PHLDB3: variants seen among roughly 807,000 people sequenced by gnomAD.
The protein encoded by PHLDB3 is pleckstrin homology like domain family B member 3, also known as pleckstrin homology-like domain family B member 3.
A neutral mutation model predicts 85.7 loss-of-function variants in PHLDB3; 86 were observed. The observed-to-expected ratio is 1.00, with a 90% confidence interval of 0.84 to 1.20. The LOEUF (loss-of-function observed/expected upper bound fraction) is 1.20, where lower values mean the gene tolerates loss of function less well. Among genes scored for constraint, PHLDB3 ranks in the 50% most tolerant of loss-of-function variants. PHLDB3 has a pLI of 0.00. For synonymous variants in PHLDB3, 376 were observed against 349.8 expected (o/e 1.07, Z -0.83); for missense variants, 995 against 873.0 (o/e 1.14, Z -1.76).
chr19:43,485,944 A>C, intron 13 of PHLDB3: 3 of 981,084 alleles, frequency 3.1e-6, no homozygotes, highest in Non-Finnish European at 3.6e-6. Context: ...CTGAGGCAGG[A>C]GGATTGCTTG....
At chr19:43,486,465 G>A in intron 12 of PHLDB3, 143 bp from the exon 13 acceptor site, 3 of 1,259,928 alleles carry the variant, frequency 2.4e-6, no homozygotes, top group Middle Eastern at 2.3e-4. Flanking sequence ...TGGGCTGGGG[G>A]CCTGGACTCC....
At chr19:43,486,919 G>A (rs759820342) in intron 10 of PHLDB3, 49 bp from the exon 11 acceptor site, 2 of 1,488,944 alleles carry the variant, frequency 1.3e-6, no homozygotes, top group African/African-American at 2.8e-5. Context: ...CCTGGCCTGA[G>A]CCTATCCACT....
chr19:43,480,738 C>G (rs887471819), intron 13 of PHLDB3, among the ~76,000 whole-genome samples: 1 of 152,206 alleles, frequency 6.6e-6, no homozygotes, highest in African/African-American at 2.4e-5. Context: ...ATCTCCGTTT[C>G]ACAGATGTGG....
At chr19:43,503,547 A>C (rs759235366) in intron 2 of PHLDB3, among the ~76,000 whole-genome samples, 1 of 151,766 alleles carries the variant, frequency 6.6e-6, no homozygotes, top group Non-Finnish European at 1.5e-5. Flanking sequence ...GGGCTTAAGC[A>C]ATCCTCCCCT....
chr19:43,489,895 T>C (rs1417648976), intron 9 of PHLDB3, among the ~76,000 whole-genome samples: 2 of 151,576 alleles, frequency 1.3e-5, no homozygotes, highest in African/African-American at 4.8e-5. Context: ...TAATTCCAGC[T>C]ACTCGGGAGT....
intron 15 of PHLDB3, among the ~76,000 whole-genome samples, chr19:43,476,296 G>A (rs1355830412): frequency 6.6e-6 from 1 of 152,056 alleles, no homozygotes; most frequent in Non-Finnish European, 1.5e-5. Flanking sequence ...TCTGTTTTTA[G>A]CCCTCTCAAT....
In PHLDB3 at chr19:43,491,479, T is replaced by G. The variant is rs530290668; in HGVS notation, c.1149+3223A>C. The stretch of plus-strand genomic sequence containing the variant: ...TATATTAAGTGCTTTAAAATTAGTG[T>G]TATTAATATTGATTAATAAATAACA... On this transcript the variant is annotated intron_variant, in intron 9 of 15. Transcript: ENST00000292140. Among the ~76,000 whole-genome samples the G allele has an allele frequency of 1.2e-4, 19 of 152,264 alleles. No homozygotes were observed. The South Asian group carries it at 2.5e-3, about 20-fold the overall frequency.
At chr19:43,480,018 C>T (rs1239069797) in intron 13 of PHLDB3, among the ~76,000 whole-genome samples, 2 of 151,618 alleles carry the variant, frequency 1.3e-5, no homozygotes, top group African/African-American at 4.9e-5. Flanking sequence ...CCTGTAATCT[C>T]AGAACTTTGG....
chr19:43,486,541 C>A, intron 12 of PHLDB3, 68 bp downstream of exon 12: 1 of 1,529,328 alleles, frequency 6.5e-7, no homozygotes, highest in Non-Finnish European at 8.8e-7. Context: ...AGTTGGGGGT[C>A]TCCCAGGTCT....
At position 43,495,686 on chromosome 19, in the gene PHLDB3, A is replaced by T; in HGVS notation, c.826-66T>A. On this transcript the variant is annotated intron_variant, in intron 6 of 15. Transcript: ENST00000292140. The stretch of plus-strand genomic sequence containing the variant: ...CCAGGCCACCCTCCCACAGAACCAC[A>T]TCTGCCTGGAGGGCTGGGGTTTACT... The T allele has an allele frequency of 2.0e-6, 3 of 1,536,000 alleles. No homozygotes were observed. In the South Asian group the frequency reaches 3.7e-5, roughly 19 times the overall value.
rs761687416 is a variant in PHLDB3, at chr19:43,487,047, C to A, written c.1226G>T (p.Arg409Leu). The A allele has an allele frequency of 1.9e-6, 3 of 1,576,012 alleles. No homozygotes were observed. The highest frequency in any genetic ancestry group is 1.2e-5 in the South Asian group (1 of 84,792). ...ACCAGTACAATGGAAGGACAGAGGT[C>A]GGGGGGATCCTCTCTGGCTCCCCCT... ...GERGSQRGSP[R>L]PLSFHCTESL... The change falls in exon 10 of 16, where the codon CGA becomes CTA. Residue 409 changes from arginine to leucine, a missense_variant. Physicochemically the swap from Arg to Leu is moderately radical, Grantham distance 102. Coordinates refer to ENST00000292140, the MANE Select transcript of PHLDB3 (RefSeq NM_198850.4).
chr19:43,477,380 G>C (rs986560659), intron 15 of PHLDB3, among the ~76,000 whole-genome samples: 5 of 150,066 alleles, frequency 3.3e-5, no homozygotes, highest in Admixed American at 3.3e-4. Flanking sequence ...TTAGCCAGCT[G>C]TGGTGGCACG....
At position 43,486,660 on chromosome 19, in the gene PHLDB3, C is replaced by A; in HGVS notation, c.1377G>T (p.Glu459Asp). The A allele has an allele frequency of 6.2e-7, 1 of 1,613,984 alleles. No homozygotes were observed. The highest frequency in any genetic ancestry group is 8.5e-7 in the Non-Finnish European group (1 of 1,179,870). The change falls in exon 12 of 16, where the codon GAG becomes GAT. Residue 459 changes from glutamate to aspartate, a missense_variant. By Grantham distance (45) the Glu-to-Asp change is conservative (BLOSUM62 2). Coordinates refer to ENST00000292140, the MANE Select transcript of PHLDB3 (RefSeq NM_198850.4). ...GAIHPDIAHMERLLQQAMAER... is the reference protein window; with the variant it reads ...GAIHPDIAHMDRLLQQAMAER... The stretch of plus-strand genomic sequence containing the variant: ...CCGCCATGGCCTGCTGCAGGAGCCG[C>A]TCCATGTGGGCAATGTCTGGATGGA...
At chr19:43,475,651 CTTAAGTAT>C in intron 15 of PHLDB3, 107 bp from the exon 16 acceptor site, 1 of 1,372,452 alleles carries the variant, frequency 7.3e-7, no homozygotes, top group Non-Finnish European at 9.9e-7. Flanking sequence ...GGACAAGGTA[CTTAAGTAT>C]CTGAATGTCA....
chr19:43,502,232 A>G lies in PHLDB3; in HGVS notation c.265T>C (p.Ser89Pro), dbSNP rs1971623382. The G allele has an allele frequency of 6.4e-7, 1 of 1,564,150 alleles. No homozygotes were observed. Among genetic ancestry groups the G allele is most frequent in the Non-Finnish European group, 8.7e-7 (1 of 1,155,970 alleles). The change falls in exon 3 of 16, where the codon TCT becomes CCT. Residue 89 changes from serine (S) to proline (P), a missense_variant. Ser to Pro is a moderately conservative substitution (Grantham distance 74, BLOSUM62 -1). Coordinates refer to ENST00000292140, the MANE Select transcript of PHLDB3 (RefSeq NM_198850.4). ...GCCCCTCGCACCCCTTCCCGCGAAG[A>G]GGTGGATGCGGGAGGTGTGGCCGCC... Reference protein sequence around the residue: ...AMAATPPASTSSREGVRGAAR... With the variant: ...AMAATPPASTPSREGVRGAAR...
chr19:43,504,287 G>A, intron 1 of PHLDB3, 155 bp from the exon 2 acceptor site: 2 of 712,070 alleles, frequency 2.8e-6, no homozygotes, highest in South Asian at 1.9e-5. Context: ...GTGTCCTGAA[G>A]TTTCCAGAGG....
chr19:43,475,675 C>A, intron 15 of PHLDB3, 131 bp from the exon 16 acceptor site: 1 of 1,174,420 alleles, frequency 8.5e-7, no homozygotes, highest in Non-Finnish European at 1.2e-6. Flanking sequence ...TGTCAGTTTC[C>A]CTGTCTTCCC....
At chr19:43,496,444 T>G (rs1030322574) in intron 6 of PHLDB3, 5 of 152,158 alleles carry the variant, frequency 3.3e-5, no homozygotes, top group African/African-American at 1.2e-4. Flanking sequence ...TGAAGCATCT[T>G]TTTGGAATAG....
Position 43,479,552 on chromosome 19 carries a change from C to T in PHLDB3, c.1527G>A (p.Leu509=), listed in dbSNP as rs757616676. The T allele has an allele frequency of 2.4e-6, 2 of 833,502 alleles. No homozygotes were observed. The highest frequency in any genetic ancestry group is 2.2e-5 in the African/African-American group (1 of 45,522). The allele number at this position is 833,502 out of a possible 1,614,324, so 51.6% of individuals were successfully genotyped here. A position where few individuals can be genotyped will look rare whatever the true frequency, so the allele number is the denominator to read the frequency against. Residue 509 remains leucine (L), a synonymous_variant, in exon 14 of 16, where the codon TTG becomes TTA. Transcript: ENST00000292140. ...TPPHPPGPRI[L]DLRQHLEGWG... ...ATCCCTCCAGATGCTGCCGGAGATC[C>T]AAGATTCGCGGGCCTGGAGGGTGGG...
Sources: gnomAD v4.1 joint callset for allele counts (sites outside exome capture counted in the v4.1 genomes callset) on GRCh38, gnomAD v4.1.1 for gene constraint, MANE v1.5 for transcripts, NCBI Gene and HGNC (gene_info 2026-07-23, HGNC 2026-07-21) for gene names.